The following CNOT1 variants were observed in gnomAD, a reference collection of about 807,000 sequenced individuals.
CNOT1 encodes the protein CCR4-NOT transcription complex subunit 1.
Under a neutral mutation model 273.8 loss-of-function variants are expected in CNOT1, and 15 were observed. That is an observed-to-expected ratio of 0.05 (90% CI 0.04 to 0.08). The LOEUF (loss-of-function observed/expected upper bound fraction) is 0.08, where lower values mean the gene tolerates loss of function less well. Ranked by LOEUF, CNOT1 falls within the 10% of genes least tolerant of loss-of-function variation. CNOT1 has a pLI of 1.00. For missense variants in CNOT1, 1,644 were observed against 2,912.2 expected (o/e 0.56, Z 10.02); for synonymous variants, 1,022 against 1,005.5 (o/e 1.02, Z -0.31).
intron 31 of CNOT1, among the ~76,000 whole-genome samples, chr16:58,542,822 G>A (rs1338141679): frequency 6.6e-6 from 1 of 152,140 alleles, no homozygotes; most frequent in Non-Finnish European, 1.5e-5. Flanking sequence ...CAGACGCGGT[G>A]GCTCACACCT....
chr16:58,578,567 T>C (rs2041547566), intron 13 of CNOT1, 132 bp downstream of exon 13: 1 of 1,409,924 alleles, frequency 7.1e-7, no homozygotes. Context: ...ACAAGTTTTA[T>C]GACAGTATGA....
chr16:58,536,967 C>G (rs202206586), intron 39 of CNOT1, 22 bp downstream of exon 39: 1 of 1,612,260 alleles, frequency 6.2e-7, no homozygotes, highest in African/African-American at 1.3e-5. Flanking sequence ...ATAAAAAGCA[C>G]CTTTCTTTCC....
rs2152007610 is a variant in CNOT1 at position 58,599,444 on chromosome 16, T to G, written c.-107A>C. 1.5e-6 allele frequency: 2 copies of G among 1,346,994 alleles called. No individual in the cohort carries two copies. Among genetic ancestry groups the G allele is most frequent in the Middle Eastern group, 5.1e-4 (2 of 3,928 alleles). 83.4% of individuals were successfully genotyped at this position (1,346,994 alleles called of 1,614,324 possible). A position where few individuals can be genotyped will look rare whatever the true frequency, so the allele number is the denominator to read the frequency against. On this transcript the variant is annotated 5_prime_UTR_variant, in exon 2 of 49. Coordinates refer to ENST00000317147, the MANE Select transcript of CNOT1 (RefSeq NM_016284.5). ...ATGCTTTCTTTGTAATTAGGCTATA[T>G]CTGGTATCTGTATAATATCTTCAGT... is the stretch of plus-strand genomic sequence containing the variant.
At chr16:58,556,015 T>C (rs76939531) in intron 19 of CNOT1, 107 bp from the exon 20 acceptor site, 12 of 1,512,780 alleles carry the variant, frequency 7.9e-6, no homozygotes, top group African/African-American at 1.4e-5. Flanking sequence ...AAGGGAAATA[T>C]AAAAAAACTG....
At chr16:58,599,050 CAAAAAAAAAAAAAA>C (rs55921701) in intron 2 of CNOT1, 172 bp downstream of exon 2, 1 of 274,550 alleles carries the variant, frequency 3.6e-6, no homozygotes, top group Non-Finnish European at 6.4e-6. Flanking sequence ...GACTCTGTCT[CAAAAAAAAAAAAAA>C]AAAAAAGATT....
chr16:58,562,737 C>G (rs1435161225), intron 16 of CNOT1, among the ~76,000 whole-genome samples: 4 of 151,960 alleles, frequency 2.6e-5, no homozygotes, highest in African/African-American at 9.7e-5. Context: ...GCAGGAGAAT[C>G]GCTTGAACCC....
At chr16:58,538,730 T>G (rs2039992155) in intron 36 of CNOT1, 42 bp downstream of exon 36, 1 of 1,605,556 alleles carries the variant, frequency 6.2e-7, no homozygotes, top group Non-Finnish European at 8.5e-7. Flanking sequence ...CAAAAGGCAG[T>G]CGCAGTCCAA....
intron 2 of CNOT1, among the ~76,000 whole-genome samples, chr16:58,589,237 G>T (rs1567428359): frequency 6.6e-6 from 1 of 152,194 alleles, no homozygotes; most frequent in Admixed American, 6.6e-5. Flanking sequence ...CCTGGGCCGG[G>T]TGCAGTGGCT....
chr16:58,537,595 G>A (rs528263136), intron 38 of CNOT1, among the ~76,000 whole-genome samples: 1 of 152,260 alleles, frequency 6.6e-6, no homozygotes, highest in African/African-American at 2.4e-5. Flanking sequence ...TAGGTTTAAG[G>A]AGGATAAGTC....
At chr16:58,589,185 C>T (rs934539256) in intron 2 of CNOT1, among the ~76,000 whole-genome samples, 1 of 152,110 alleles carries the variant, frequency 6.6e-6, no homozygotes, top group Non-Finnish European at 1.5e-5. Flanking sequence ...CACAGGCATA[C>T]ACCACTGCTT....
rs188258144 is a variant in CNOT1, at chr16:58,580,777, T to C, written c.1216-17A>G. The C allele has an allele frequency of 7.2e-4, 1,154 of 1,600,522 alleles. 1 individual carries two copies. Among genetic ancestry groups the C allele is most frequent in the Non-Finnish European group, 8.6e-4 (1,014 of 1,173,216 alleles). ...GAAGGAGAGCTGCAATGAAAGAAAA[T>C]GCTTACCACCATAAATGATTGTGAA... On this transcript the variant is annotated splice_polypyrimidine_tract_variant and intron_variant, in intron 11 of 48. Coordinates refer to ENST00000317147, the MANE Select transcript of CNOT1 (RefSeq NM_016284.5).
At position 58,546,364 on chromosome 16, in the gene CNOT1, T is replaced by C. The variant is rs1415064602; in HGVS notation, c.3963A>G (p.Lys1321=). 2 of 1,613,960 alleles carry C rather than the reference T, an allele frequency of 1.2e-6. No individual in the cohort carries two copies. Among genetic ancestry groups the C allele is most frequent in the Non-Finnish European group, 8.5e-7 (1 of 1,179,916 alleles). Residue 1321 remains lysine, a synonymous_variant, in exon 29 of 49, where the codon AAA becomes AAG. Coordinates refer to ENST00000317147, the MANE Select transcript of CNOT1 (RefSeq NM_016284.5). The part of the protein sequence containing the change: ...NLDEQLSAPK[K]DVKQPEELPP... ...GGAGTTCTTCTGGCTGCTTGACATCTTTCTTTGGAGCAGAGAGTTGCTCAT... is the reference window on the plus strand; with the variant it reads ...GGAGTTCTTCTGGCTGCTTGACATCCTTCTTTGGAGCAGAGAGTTGCTCAT...
At position 58,629,770 on chromosome 16, in the gene CNOT1, T is replaced by C. The variant is rs1001748323; in HGVS notation, c.-217A>G. The C allele has an allele frequency of 6.6e-6, 1 of 152,336 alleles. No homozygotes were observed. The highest frequency in any genetic ancestry group is 1.9e-4 in the East Asian group (1 of 5,180). The allele number at this position is 152,336 out of a possible 1,614,324, so 9.4% of individuals were successfully genotyped here. ...GCGCTGGACACAGGAAACTCCTGGG[T>C]CCCCGACTCCGGCTCTCCTCGACCC... On this transcript the variant is annotated 5_prime_UTR_variant, in exon 1 of 49. Transcript: ENST00000317147.
At chr16:58,594,283 C>T (rs1173552097) in intron 2 of CNOT1, among the ~76,000 whole-genome samples, 3 of 151,842 alleles carry the variant, frequency 2.0e-5, no homozygotes, top group Non-Finnish European at 4.4e-5. Flanking sequence ...AAAAAGAAAG[C>T]CAGACACAGA....
Position 58,587,795 on chromosome 16 carries a change from T to C in CNOT1, c.294A>G (p.Pro98=), listed in dbSNP as rs945694651. 4.3e-6 allele frequency: 7 copies of C among 1,613,756 alleles called. No homozygotes were observed. Among genetic ancestry groups the C allele is most frequent in the Non-Finnish European group, 5.9e-6 (7 of 1,180,008 alleles). ...TAATACCAACCTTCTGATAGTGCAATGGATTATCAATGGCATAGGACAGCG... is the reference window on the plus strand; with the variant it reads ...TAATACCAACCTTCTGATAGTGCAACGGATTATCAATGGCATAGGACAGCG... ...ISTLSYAIDN[P]LHYQKSLKPA... The change falls in exon 4 of 49, where the codon CCA becomes CCG. Residue 98 remains proline (P), a synonymous_variant. Transcript: ENST00000317147.
intron 2 of CNOT1, chr16:58,597,543 A>C: frequency 3.8e-6 from 1 of 263,822 alleles, no homozygotes; most frequent in Non-Finnish European, 7.4e-6. Context: ...ACACAAAAAA[A>C]AGTTGAGAAT....
intron 25 of CNOT1, among the ~76,000 whole-genome samples, chr16:58,549,146 G>A (rs1487876137): frequency 6.6e-6 from 1 of 151,998 alleles, no homozygotes; most frequent in East Asian, 1.9e-4. Flanking sequence ...AAAATTAGCT[G>A]GGCATGGCGG....
chr16:58,556,919 G>A lies in CNOT1; in HGVS notation c.2407C>T (p.Pro803Ser), dbSNP rs1176117693. ...GTGCCCAGTTTCCTCTGTACAAAAG[G>A]GTCGTTATTCACTGCAGGGAGTCCA... is the stretch of plus-strand genomic sequence containing the variant. The part of the protein sequence containing the change: ...ALGLPAVNND[P>S]FVQRKLGTSG... Residue 803 changes from proline to serine, a missense_variant, in exon 19 of 49, where the codon CCT becomes TCT. Pro to Ser is a moderately conservative substitution (Grantham distance 74). This residue lies in a region of CNOT1 where 706 missense variants were observed against 1,021.2 expected (regional missense o/e 0.69). Coordinates refer to ENST00000317147, the MANE Select transcript of CNOT1 (RefSeq NM_016284.5). 4 of 1,614,074 alleles carry A rather than the reference G, an allele frequency of 2.5e-6. No individual in the cohort carries two copies. Among genetic ancestry groups the A allele is most frequent in the Non-Finnish European group, 3.4e-6 (4 of 1,180,018 alleles).
chr16:58,617,627 C>T (rs894543726), intron 1 of CNOT1, among the ~76,000 whole-genome samples: 1 of 152,316 alleles, frequency 6.6e-6, no homozygotes, highest in Admixed American at 6.5e-5. Context: ...AAGAACTACG[C>T]TGCCCAAATG....
Sources: gnomAD v4.1 joint callset for allele counts (sites outside exome capture counted in the v4.1 genomes callset) on GRCh38, gnomAD v4.1.1 for gene constraint, gnomAD v4.1.1 regional missense constraint, MANE v1.5 for transcripts, NCBI Gene and HGNC (gene_info 2026-07-23, HGNC 2026-07-21) for gene names.